The following SQSTM1 variants were observed in gnomAD, a reference collection of about 807,000 sequenced individuals.
SQSTM1 encodes the protein sequestosome-1.
In SQSTM1, 36 loss-of-function variants were observed where a neutral mutation model predicts 45.1. That is an observed-to-expected ratio of 0.80 (90% confidence interval 0.61 to 1.05). The LOEUF is 1.05. Among genes scored for constraint, SQSTM1 ranks in the 50% least tolerant of loss-of-function variants. The probability of loss-of-function intolerance (pLI) is 0.00; values close to 1 mark genes in which losing one functional copy is unlikely to be tolerated. For synonymous variants in SQSTM1, 290 were observed against 244.3 expected, an observed-to-expected ratio of 1.19 and a Z score of -1.74; for missense variants, 617 against 607.1, an observed-to-expected ratio of 1.02 and a Z score of -0.17.
chr5:179,812,418 C>T (rs960275921), intron 2 of SQSTM1: 12 of 152,214 alleles, frequency 7.9e-5, no homozygotes, highest in Non-Finnish European at 2.9e-5. Context: ...TTTTCAGCAG[C>T]TTCCGGAGGC....
intron 2 of SQSTM1, chr5:179,813,431 A>C (rs1757493692): frequency 6.6e-6 from 1 of 152,166 alleles, no homozygotes; most frequent in East Asian, 1.9e-4. Context: ...CAGTGTTGGG[A>C]ATTGAATTTG....
rs758819571 is a variant in SQSTM1, at chr5:179,825,268, G to A, written c.754+42G>A. 4.0e-6 allele frequency: 6 copies of A among 1,512,494 alleles called. No individual in the cohort carries two copies. In the African/African-American group the frequency reaches 4.1e-5, roughly 10 times the overall value. The allele number at this position is 1,512,494 out of a possible 1,614,324, so 93.7% of individuals were successfully genotyped here. On this transcript the variant is annotated intron_variant, in intron 5 of 7. Coordinates refer to ENST00000389805, the MANE Select transcript of SQSTM1 (RefSeq NM_003900.5). ...GCCCAGTGCTTCCCTAACTCAGCCT[G>A]CACTTTATGTAACTTTCACCTGGAA...
chr5:179,813,799 C>A (rs916454260), intron 2 of SQSTM1, among the ~76,000 whole-genome samples: 2 of 151,950 alleles, frequency 1.3e-5, no homozygotes, highest in African/African-American at 4.8e-5. Flanking sequence ...TGGAAAGGGG[C>A]TGGAGAGAAT....
intron 5 of SQSTM1, among the ~76,000 whole-genome samples, chr5:179,827,472 G>C (rs534865502): frequency 1.9e-3 from 294 of 152,282 alleles, no homozygotes; most frequent in Middle Eastern, 6.8e-3. Context: ...TTTTAGTAGA[G>C]ACGGGGTTTC....
At chr5:179,819,362 C>G (rs1429556190), upstream of SQSTM1, among the ~76,000 whole-genome samples, 1 of 151,932 alleles carries the variant, frequency 6.6e-6, no homozygotes, top group Non-Finnish European at 1.5e-5. Context: ...CCCTAGCCCC[C>G]GCGGAAACTT....
intron 7 of SQSTM1, among the ~76,000 whole-genome samples, chr5:179,834,236 T>TGGGG (rs575654168): frequency 1.4e-4 from 1 of 7,058 alleles, no homozygotes; most frequent in African/African-American, 8.4e-4. Context: ...CAGGCAGCAG[T>TGGGG]GGGGGGGTGG....
At chr5:179,836,365 G>T in intron 7 of SQSTM1, 71 bp from the exon 8 acceptor site, 1 of 1,606,428 alleles carries the variant, frequency 6.2e-7, no homozygotes. Flanking sequence ...GGCCAAGGCA[G>T]CAGGGTATGT....
rs963835922 is a variant in SQSTM1, at chr5:179,836,346, G to T, written c.1166-90G>T. On this transcript the variant is annotated intron_variant, in intron 7 of 7. Coordinates refer to ENST00000389805, the MANE Select transcript of SQSTM1 (RefSeq NM_003900.5). ...CAGGCTCGGACACTGGCAGACCCTG[G>T]TCCTGGCTGGCCAAGGCAGCAGGGT... 1.0e-5 allele frequency: 16 copies of T among 1,577,394 alleles called. No individual in the cohort carries two copies. In the Admixed American group the frequency reaches 2.3e-4, roughly 23 times the overall value.
At chr5:179,821,522 C>A (rs1235535513) in intron 1 of SQSTM1, 1 of 497,834 alleles carries the variant, frequency 2.0e-6, no homozygotes, top group Non-Finnish European at 3.9e-6. Context: ...GGCGGGCACT[C>A]GGGTTACACT....
chr5:179,833,876 G>A (rs1395852043), intron 7 of SQSTM1, 94 bp downstream of exon 7: 1 of 1,404,548 alleles, frequency 7.1e-7, no homozygotes, highest in Admixed American at 1.7e-5. Context: ...AGAAGGATGA[G>A]ATGTTCTCCA....
Position 179,806,448 on chromosome 5 carries a change from A to C in SQSTM1, c.-300A>C. On this transcript the variant is annotated 5_prime_UTR_variant, in exon 1 of 6. Coordinates refer to the SQSTM1 transcript ENST00000514093. The surrounding 1 kb of genome is among the most constrained non-coding windows in gnomAD (Gnocchi z 4.6). ...GGGCCCGCTCCCGCCGCCGACGCCC[A>C]GGTGCGCCAGGTGCGGGCCGGGCGG... 8.4e-7 allele frequency: 1 copy of C among 1,184,204 alleles called. No homozygotes were observed. The highest frequency in any genetic ancestry group is 1.1e-6 in the Non-Finnish European group (1 of 933,270). 73.4% of individuals were successfully genotyped at this position (1,184,204 alleles called of 1,614,324 possible).
chr5:179,836,639 T>C lies in SQSTM1; in HGVS notation c.*46T>C. ...TGCGTGCCCCTCTTCTGTCTCATAG[T>C]TGTGTTAAGCTTGCGTAGAATTGCA... On this transcript the variant is annotated 3_prime_UTR_variant, in exon 8 of 8. Transcript: ENST00000389805. 1.2e-6 allele frequency: 2 copies of C among 1,613,850 alleles called. No individual in the cohort carries two copies. The highest frequency in any genetic ancestry group is 1.7e-6 in the Non-Finnish European group (2 of 1,179,740).
At chr5:179,827,431 C>A (rs376465642) in intron 5 of SQSTM1, among the ~76,000 whole-genome samples, 27 of 152,168 alleles carry the variant, frequency 1.8e-4, no homozygotes, top group African/African-American at 6.0e-4. Context: ...ACCACAGGCG[C>A]CCACCACCAC....
chr5:179,821,864 G>C (rs184446041), intron 1 of SQSTM1, among the ~76,000 whole-genome samples: 5 of 152,228 alleles, frequency 3.3e-5, no homozygotes, highest in Non-Finnish European at 2.9e-5. Flanking sequence ...GGCGGGAGGT[G>C]GCCAAGGCCG....
chr5:179,838,025 G>C lies in SQSTM1; in HGVS notation c.*1432G>C. ...AAGCTGTCAGGCTGGGACAGGCTTTGATTTTGAGGGTTAGCAAGACAAAGC... is the reference window on the plus strand; with the variant it reads ...AAGCTGTCAGGCTGGGACAGGCTTTCATTTTGAGGGTTAGCAAGACAAAGC... On this transcript the variant is annotated 3_prime_UTR_variant, in exon 8 of 8. Coordinates refer to ENST00000389805, the MANE Select transcript of SQSTM1 (RefSeq NM_003900.5). 4 of 752,194 alleles carry C rather than the reference G, an allele frequency of 5.3e-6. No homozygotes were observed. The highest frequency in any genetic ancestry group is 8.4e-6 in the Non-Finnish European group (4 of 473,728). 46.6% of individuals were successfully genotyped at this position (752,194 alleles called of 1,614,324 possible). A position where few individuals can be genotyped will look rare whatever the true frequency, so the allele number is the denominator to read the frequency against.
At chr5:179,833,491 T>C (rs1292978334) in intron 6 of SQSTM1, 96 bp from the exon 7 acceptor site, 19 of 1,337,848 alleles carry the variant, frequency 1.4e-5, no homozygotes, top group African/African-American at 7.2e-5. Flanking sequence ...CACGTGTGCA[T>C]GCGTGCTCCC....
At chr5:179,834,621 G>C (rs1414610915) in intron 7 of SQSTM1, among the ~76,000 whole-genome samples, 4 of 151,840 alleles carry the variant, frequency 2.6e-5, no homozygotes, top group Non-Finnish European at 5.9e-5. Context: ...GACTCTTAAG[G>C]AGCATGCTGC....
At chr5:179,810,615 C>A (rs1382663898) in intron 1 of SQSTM1, among the ~76,000 whole-genome samples, 1 of 152,166 alleles carries the variant, frequency 6.6e-6, no homozygotes, top group Non-Finnish European at 1.5e-5. Context: ...ATTTATAATC[C>A]TTTGGGTATA....
chr5:179,812,236 T>A (rs1328235522), intron 2 of SQSTM1: 1 of 152,314 alleles, frequency 6.6e-6, no homozygotes, highest in Non-Finnish European at 1.5e-5. Flanking sequence ...AGTGCAAATG[T>A]CCGCAGGCAC....
Sources: allele counts gnomAD v4.1 joint callset (sites outside exome capture counted in the v4.1 genomes callset), GRCh38; gene constraint gnomAD v4.1.1; non-coding constraint Gnocchi (gnomAD v3.1); transcripts MANE v1.5; gene names NCBI Gene and HGNC (gene_info 2026-07-23, HGNC 2026-07-21).